Variants in WDR7 observed in about 807,000 individuals in gnomAD.
WDR7 encodes WD repeat domain 7, also known as WD repeat-containing protein 7.
A neutral mutation model predicts 169.4 loss-of-function variants in WDR7; 46 were observed. The ratio of observed to expected loss-of-function variants is 0.27; its 90% CI spans 0.21 to 0.35. WDR7 has a LOEUF of 0.35. WDR7 is among the 10% of genes least tolerant of loss of function. The pLI is 1.00. For synonymous variants in WDR7, 612 were observed against 666.8 expected, an observed-to-expected ratio of 0.92 and a Z score of 1.27; for missense variants, 1,534 against 1,859.3, an observed-to-expected ratio of 0.83 and a Z score of 3.22.
At chr18:56,730,224 G>T (rs890619961) in intron 13 of WDR7, among the ~76,000 whole-genome samples, 1 of 152,122 alleles carries the variant, frequency 6.6e-6, no homozygotes, top group East Asian at 1.9e-4. Flanking sequence ...AGAGAGGCAG[G>T]TCAAAAATAA....
chr18:56,893,593 C>T (rs189231848), intron 21 of WDR7, among the ~76,000 whole-genome samples: 34 of 152,202 alleles, frequency 2.2e-4, no homozygotes, highest in African/African-American at 7.7e-4. Context: ...GTGTGTCAAA[C>T]GGTAGGTGCT....
Position 57,027,550 on chromosome 18 carries a change from A to C in WDR7, c.*343A>C. The C allele has an allele frequency of 3.1e-6, 1 of 322,442 alleles. No homozygotes were observed. The highest frequency in any genetic ancestry group is 3.7e-5 in the South Asian group (1 of 27,104). 20.0% of individuals were successfully genotyped at this position (322,442 alleles called of 1,614,324 possible). A position where few individuals can be genotyped will look rare whatever the true frequency, so the allele number is the denominator to read the frequency against. On this transcript the variant is annotated 3_prime_UTR_variant, in exon 28 of 28. Transcript: ENST00000254442. Reference sequence around the variant, plus strand: ...AAAAATCAATAAACACTGTGATTGCACTCCCAGCCCAGATCAGCATTTTTA... The same window carrying C: ...AAAAATCAATAAACACTGTGATTGCCCTCCCAGCCCAGATCAGCATTTTTA...
rs2046949348 is a variant in WDR7 at position 56,935,641 on chromosome 18, A to G, written c.3714-147A>G. The G allele has an allele frequency of 1.1e-4, 82 of 717,512 alleles. No homozygotes were observed. In the East Asian group the frequency reaches 2.0e-3, roughly 18 times the overall value. The allele number at this position is 717,512 out of a possible 1,614,324, so 44.4% of individuals were successfully genotyped here. ...TGCCAGAACACCCTGACTCCTAATCACTGCCCATTGTTGCAAGTCCATTAT... is the reference window on the plus strand; with the variant it reads ...TGCCAGAACACCCTGACTCCTAATCGCTGCCCATTGTTGCAAGTCCATTAT... On this transcript the variant is annotated intron_variant, in intron 22 of 27. Coordinates refer to ENST00000254442, the MANE Select transcript of WDR7 (RefSeq NM_015285.3).
intron 25 of WDR7, chr18:56,957,366 T>C (rs2145757544): frequency 6.6e-6 from 1 of 151,800 alleles, no homozygotes; most frequent in Admixed American, 6.6e-5. Context: ...AGGCGCAGCA[T>C]CCTCCCCTGA....
At chr18:56,715,172 A>G (rs2026164943) in intron 12 of WDR7, among the ~76,000 whole-genome samples, 1 of 152,138 alleles carries the variant, frequency 6.6e-6, no homozygotes, top group Non-Finnish European at 1.5e-5. Flanking sequence ...TTCTTTGCTT[A>G]ATGGCTCTAG....
At chr18:56,876,665 TAA>T (rs1406300607) in intron 20 of WDR7, among the ~76,000 whole-genome samples, 1 of 151,846 alleles carries the variant, frequency 6.6e-6, no homozygotes, top group African/African-American at 2.4e-5. Context: ...AAAAAATTGA[TAA>T]AAAAGAAGAG....
At chr18:56,941,982 G>A (rs2047041009) in intron 25 of WDR7, among the ~76,000 whole-genome samples, 1 of 152,144 alleles carries the variant, frequency 6.6e-6, no homozygotes, top group Admixed American at 6.5e-5. Flanking sequence ...GAATAAGTGG[G>A]TAAATAATGA....
At chr18:56,703,526 AT>A (rs1183239229) in intron 12 of WDR7, among the ~76,000 whole-genome samples, 4 of 152,104 alleles carry the variant, frequency 2.6e-5, no homozygotes, top group African/African-American at 9.7e-5. Flanking sequence ...AACTAACATT[AT>A]TTTCTTAAAA....
chr18:56,700,565 CTTTTTTTTT>C (rs71169389), intron 12 of WDR7, among the ~76,000 whole-genome samples: 7 of 115,828 alleles, frequency 6.0e-5, no homozygotes, highest in Admixed American at 9.1e-5. Context: ...AATATTGTTT[CTTTTTTTTT>C]TTTTTTTTTT....
intron 26 of WDR7, among the ~76,000 whole-genome samples, chr18:56,988,497 G>A (rs1346478638): frequency 6.6e-6 from 1 of 151,664 alleles, no homozygotes; most frequent in Non-Finnish European, 1.5e-5. Flanking sequence ...TGTTTAAGTG[G>A]TATCAGTTGA....
At chr18:56,708,324 A>G (rs1211111827) in intron 12 of WDR7, among the ~76,000 whole-genome samples, 2 of 152,080 alleles carry the variant, frequency 1.3e-5, no homozygotes, top group African/African-American at 2.4e-5. Context: ...ATGAGCCATC[A>G]TGCCTGGCCC....
chr18:56,720,806 C>T (rs1007966414), intron 13 of WDR7, among the ~76,000 whole-genome samples: 1 of 151,992 alleles, frequency 6.6e-6, no homozygotes, highest in African/African-American at 2.4e-5. Context: ...AGATAAAATA[C>T]AGCATGTAAT....
At chr18:56,726,430 C>T (rs1452446286) in intron 13 of WDR7, among the ~76,000 whole-genome samples, 10 of 152,156 alleles carry the variant, frequency 6.6e-5, no homozygotes, top group Admixed American at 6.5e-4. Context: ...AATGGGAGTT[C>T]ACTCATGATT....
intron 26 of WDR7, among the ~76,000 whole-genome samples, chr18:56,996,800 C>T (rs972492610): frequency 6.6e-6 from 1 of 152,192 alleles, no homozygotes; most frequent in Non-Finnish European, 1.5e-5. Context: ...CAGGATGTTC[C>T]ATATCTACCT....
intron 13 of WDR7, 100 bp downstream of exon 13, chr18:56,718,259 T>C (rs2026237325): frequency 2.4e-6 from 3 of 1,231,924 alleles, no homozygotes; most frequent in Non-Finnish European, 3.3e-6. Flanking sequence ...AGGCTTGAAA[T>C]GTAAAATAGT....
At chr18:56,817,218 G>A (rs897789336) in intron 20 of WDR7, among the ~76,000 whole-genome samples, 3 of 151,744 alleles carry the variant, frequency 2.0e-5, no homozygotes, top group Admixed American at 6.6e-5. Flanking sequence ...GGTGGTGGGC[G>A]CCTGTCATTC....
At chr18:56,761,662 A>G (rs1241228534) in intron 16 of WDR7, among the ~76,000 whole-genome samples, 1 of 151,960 alleles carries the variant, frequency 6.6e-6, no homozygotes, top group Non-Finnish European at 1.5e-5. Flanking sequence ...TTTATCTATC[A>G]TAACTCATAT....
chr18:56,790,201 TATTCC>T (rs1484491371), intron 19 of WDR7, among the ~76,000 whole-genome samples: 1 of 152,232 alleles, frequency 6.6e-6, no homozygotes, highest in Non-Finnish European at 1.5e-5. Context: ...TAGCACATGG[TATTCC>T]AGTACAGATA....
intron 22 of WDR7, 52 bp from the exon 23 acceptor site, chr18:56,935,736 C>T (rs374569147): frequency 5.9e-6 from 9 of 1,532,344 alleles, no homozygotes; most frequent in East Asian, 4.5e-5. Flanking sequence ...CTTTTCAGTC[C>T]ATATTTCTAA....
Sources: gnomAD v4.1 joint callset for allele counts (sites outside exome capture counted in the v4.1 genomes callset) on GRCh38, gnomAD v4.1.1 for gene constraint, MANE v1.5 for transcripts, NCBI Gene and HGNC (gene_info 2026-07-23, HGNC 2026-07-21) for gene names.